Variants in SSBP3 observed in about 807,000 individuals in gnomAD.
The protein encoded by SSBP3 is single stranded DNA binding protein 3.
A neutral mutation model predicts 69.6 loss-of-function variants in SSBP3; 5 were observed. The observed-to-expected ratio is 0.07, with a 90% CI of 0.04 to 0.15. The LOEUF is 0.15. Among genes scored for constraint, SSBP3 ranks in the 10% least tolerant of loss-of-function variants. SSBP3 has a pLI of 1.00. For missense variants in SSBP3, 312 were observed against 534.0 expected, an observed-to-expected ratio of 0.58 and a Z score of 4.10; for synonymous variants, 196 against 193.4, an observed-to-expected ratio of 1.01 and a Z score of -0.11.
intron 4 of SSBP3, among the ~76,000 whole-genome samples, chr1:54,288,670 G>A (rs962663413): frequency 2.1e-4 from 32 of 152,178 alleles, no homozygotes; most frequent in African/African-American, 7.5e-4. Flanking sequence ...CTGAGGCACA[G>A]AGAGCTGTAC....
At chr1:54,328,851 T>C (rs919094787) in intron 4 of SSBP3, among the ~76,000 whole-genome samples, 2 of 152,204 alleles carry the variant, frequency 1.3e-5, no homozygotes, top group African/African-American at 4.8e-5. Flanking sequence ...CCACAGGCAC[T>C]GCATCAGGAA....
At chr1:54,279,929 T>C (rs1645360354) in intron 5 of SSBP3, among the ~76,000 whole-genome samples, 1 of 152,222 alleles carries the variant, frequency 6.6e-6, no homozygotes, top group African/African-American at 2.4e-5. Flanking sequence ...GCTGAGACCC[T>C]AGCAATGCCT....
intron 4 of SSBP3, among the ~76,000 whole-genome samples, chr1:54,321,397 TG>T (rs1447528830): frequency 3.3e-5 from 5 of 152,378 alleles, no homozygotes; most frequent in South Asian, 2.1e-4. Context: ...CGAGGTCAAG[TG>T]GCTGGGTGGT....
intron 4 of SSBP3, among the ~76,000 whole-genome samples, chr1:54,397,192 G>A (rs1020016593): frequency 9.2e-5 from 14 of 152,218 alleles, no homozygotes; most frequent in African/African-American, 3.1e-4. Flanking sequence ...GCTTATCACA[G>A]GGCAGCACAC....
intron 4 of SSBP3, among the ~76,000 whole-genome samples, chr1:54,384,653 G>A (rs1647945635): frequency 6.6e-6 from 1 of 152,250 alleles, no homozygotes; most frequent in Non-Finnish European, 1.5e-5. Context: ...CCTGTGCAAA[G>A]GCCCCAAGGC....
intron 5 of SSBP3, among the ~76,000 whole-genome samples, chr1:54,267,071 G>A (rs1645115167): frequency 6.6e-6 from 1 of 152,152 alleles, no homozygotes; most frequent in South Asian, 2.1e-4. Flanking sequence ...AAACCGTTTG[G>A]ACCCTTTCCT....
At chr1:54,400,138 A>G (rs1365906226) in intron 4 of SSBP3, among the ~76,000 whole-genome samples, 2 of 152,156 alleles carry the variant, frequency 1.3e-5, no homozygotes, top group African/African-American at 4.8e-5. Context: ...TGGCCGCCAT[A>G]TTGTTTCAGG....
Position 54,331,716 on chromosome 1 carries a change from A to G in SSBP3, c.277-50189T>C, listed in dbSNP as rs114407978. 8.1e-3 allele frequency among the ~76,000 whole-genome samples: 1,231 copies of G among 152,354 alleles called. 14 individuals carry two copies. Among genetic ancestry groups the G allele is most frequent in the African/African-American group, 0.029 (1,192 of 41,588 alleles). ...AGCAACTTCTCTACCCTGGATGGTC[A>G]CCAAAAAGGAAGAGCAATGTCTGTG... On this transcript the variant is annotated intron_variant, in intron 4 of 17. Coordinates refer to ENST00000610401, the Ensembl canonical transcript of SSBP3.
chr1:54,305,610 AT>A (rs1346526051), intron 4 of SSBP3, among the ~76,000 whole-genome samples: 1 of 118,954 alleles, frequency 8.4e-6, no homozygotes, highest in Non-Finnish European at 1.7e-5. Context: ...TCATTTAGTT[AT>A]TTTTCTTTAA....
At chr1:54,240,107 T>TCCAC (rs1644598060) in intron 13 of SSBP3, among the ~76,000 whole-genome samples, 2 of 134,572 alleles carry the variant, frequency 1.5e-5, no homozygotes, top group Admixed American at 1.4e-4. Flanking sequence ...CGCGTGTGCG[T>TCCAC]GCGCGCGCGC....
In SSBP3 at chr1:54,392,918, A is replaced by T. The variant is rs937550192; in HGVS notation, c.276+8943T>A. ...GAGTTAGTTCCTGGGGAAAAAACAG[A>T]AGAGGGATGTCTTCCCATAGGAGTC... On this transcript the variant is annotated intron_variant, in intron 4 of 17. Transcript: ENST00000610401. 1.6e-4 allele frequency among the ~76,000 whole-genome samples: 24 copies of T among 152,322 alleles called. No homozygotes were observed. In the East Asian group the frequency reaches 1.7e-3, roughly 11 times the overall value.
intron 4 of SSBP3, among the ~76,000 whole-genome samples, chr1:54,329,400 C>T (rs1646368333): frequency 6.6e-6 from 1 of 152,236 alleles, no homozygotes; most frequent in Non-Finnish European, 1.5e-5. Flanking sequence ...TCCTTTCTTC[C>T]TTCAAGGAGC....
intron 4 of SSBP3, among the ~76,000 whole-genome samples, chr1:54,345,869 C>T (rs1010104598): frequency 1.3e-5 from 2 of 151,582 alleles, no homozygotes; most frequent in African/African-American, 4.9e-5. Context: ...AGGCTGGGCA[C>T]GGTGGCTCAC....
exon 8 of SSBP3, chr1:54,251,841 C>T: frequency 1.2e-6 from 2 of 1,611,754 alleles, no homozygotes; most frequent in Non-Finnish European, 1.7e-6. Flanking sequence ...TGGCTGTGTC[C>T]CAGGAACTCC....
At chr1:54,341,768 C>T (rs2100526386) in intron 4 of SSBP3, among the ~76,000 whole-genome samples, 4 of 151,452 alleles carry the variant, frequency 2.6e-5, no homozygotes. Flanking sequence ...AGGCCTGACC[C>T]AGCCAGCGGG....
intron 4 of SSBP3, among the ~76,000 whole-genome samples, chr1:54,350,832 C>A (rs1017649966): frequency 6.6e-6 from 1 of 152,062 alleles, no homozygotes; most frequent in African/African-American, 2.4e-5. Context: ...ACCCGCACAG[C>A]TTCTCAGATG....
chr1:54,245,068 G>A (rs897864376), intron 9 of SSBP3, among the ~76,000 whole-genome samples: 1 of 152,222 alleles, frequency 6.6e-6, no homozygotes, highest in Non-Finnish European at 1.5e-5. Context: ...ATGAAAGACC[G>A]AAGAAGGGAA....
intron 7 of SSBP3, among the ~76,000 whole-genome samples, chr1:54,254,780 T>C (rs1167610656): frequency 1.3e-5 from 2 of 152,154 alleles, no homozygotes; most frequent in Non-Finnish European, 2.9e-5. Flanking sequence ...AGGATAGAAA[T>C]TTCTTGAGGT....
At position 54,298,019 on chromosome 1, in the gene SSBP3, C is replaced by T. The variant is rs1261658532; in HGVS notation, c.277-16492G>A. Among the ~76,000 whole-genome samples the T allele has an allele frequency of 6.6e-5, 10 of 152,274 alleles. No individual in the cohort carries two copies. The Middle Eastern group carries it at 0.01, about 155-fold the overall frequency. On this transcript the variant is annotated intron_variant, in intron 4 of 17. Transcript: ENST00000610401. ...GTTCTGGGGATGGCTGGGCCAGATG[C>T]GCAGGCCTCTTCTGCCCCCTCATGC... is the stretch of plus-strand genomic sequence containing the variant.
Sources: allele counts gnomAD v4.1 joint callset (sites outside exome capture counted in the v4.1 genomes callset), GRCh38; gene constraint gnomAD v4.1.1; transcripts MANE v1.5; gene names NCBI Gene and HGNC (gene_info 2026-07-23, HGNC 2026-07-21).